Variants in PACS2 observed in about 807,000 individuals in gnomAD.
PACS2 encodes phosphofurin acidic cluster sorting protein 2, also known as PACS1-like protein.
A neutral mutation model predicts 113.0 loss-of-function variants in PACS2; 36 were observed. The ratio of observed to expected loss-of-function variants is 0.32; its 90% CI spans 0.24 to 0.42. PACS2 has a LOEUF of 0.42. PACS2 is among the 10% of genes least tolerant of loss of function. The probability of loss-of-function intolerance (pLI) is 1.00; values close to 1 mark genes in which losing one functional copy is unlikely to be tolerated. For missense variants in PACS2, 1,015 were observed against 1,239.5 expected (o/e 0.82, Z 2.72); for synonymous variants, 589 against 536.1 (o/e 1.10, Z -1.36).
At chr14:105,351,332 C>T (rs1353614996) in intron 2 of PACS2, among the ~76,000 whole-genome samples, 5 of 152,210 alleles carry the variant, frequency 3.3e-5, no homozygotes, top group Non-Finnish European at 7.3e-5. Flanking sequence ...GCAAATGACT[C>T]GTTATCCATT....
chr14:105,314,545 G>C (rs1425120085), upstream of PACS2: 3 of 146,678 alleles, frequency 2.0e-5, no homozygotes, highest in African/African-American at 7.4e-5. Flanking sequence ...GACGCCCCGT[G>C]AGGCGCCGCC....
intron 1 of PACS2, among the ~76,000 whole-genome samples, chr14:105,307,297 G>T (rs1172910392): frequency 6.6e-6 from 1 of 152,004 alleles, no homozygotes; most frequent in Non-Finnish European, 1.5e-5. Context: ...CTAGCCCCCT[G>T]CCCTAAATCA....
intron 4 of PACS2, among the ~76,000 whole-genome samples, chr14:105,360,466 C>T (rs371729288): frequency 2.6e-5 from 4 of 151,598 alleles, no homozygotes; most frequent in African/African-American, 9.7e-5. Context: ...TCACTTTAAC[C>T]CGGGAGGCGG....
chr14:105,367,202 C>T lies in PACS2; in HGVS notation c.424-11C>T, dbSNP rs782194118. 9.9e-6 allele frequency: 16 copies of T among 1,611,992 alleles called. No individual in the cohort carries two copies. The highest frequency in any genetic ancestry group is 6.7e-5 in the Admixed American group (4 of 59,970). ...CGTGCTGCTTTCTAGAACCGTGCCC[C>T]TGGCCTGCAGGTGATGCAACACCCG... On this transcript the variant is annotated splice_polypyrimidine_tract_variant and intron_variant, in intron 4 of 24. Coordinates refer to ENST00000447393, the MANE Select transcript of PACS2 (RefSeq NM_001100913.3).
Position 105,358,847 on chromosome 14 carries a change from C to T in PACS2, c.423+3670C>T, listed in dbSNP as rs1221908573. Among the ~76,000 whole-genome samples, 1 of 152,216 alleles carries T rather than the reference C, an allele frequency of 6.6e-6. No homozygotes were observed. The highest frequency in any genetic ancestry group is 2.4e-5 in the African/African-American group (1 of 41,444). On this transcript the variant is annotated intron_variant, in intron 4 of 24. Coordinates refer to ENST00000447393, the MANE Select transcript of PACS2 (RefSeq NM_001100913.3). The surrounding 1 kb of genome is among the most constrained non-coding windows in gnomAD (Gnocchi z 4.9). The stretch of plus-strand genomic sequence containing the variant: ...GCGGGAGCGTCACCCTGACCGTTTG[C>T]ATGCTGGATTCCCTTTAGTTTCTCT...
At chr14:105,312,164 G>A (rs1036828533), upstream of PACS2, among the ~76,000 whole-genome samples, 4 of 152,214 alleles carry the variant, frequency 2.6e-5, no homozygotes, top group East Asian at 3.8e-4. Flanking sequence ...CCTGGCGCCC[G>A]ACTGGAAAAG....
rs1435122304 is a variant in PACS2, at chr14:105,345,832, G to C, written c.120-2661G>C. Among the ~76,000 whole-genome samples, 3 of 152,216 alleles carry C rather than the reference G, an allele frequency of 2.0e-5. No individual in the cohort carries two copies. The East Asian group carries it at 5.8e-4, about 29-fold the overall frequency. ...CTTCCTCTTGCATTGTGTTGAGTAA[G>C]AGAGAGTCTGTGGGAATCCGGGCAG... On this transcript the variant is annotated intron_variant, in intron 1 of 24. Coordinates refer to ENST00000447393, the MANE Select transcript of PACS2 (RefSeq NM_001100913.3).
chr14:105,351,540 T>C (rs1438424140), intron 2 of PACS2, among the ~76,000 whole-genome samples: 1 of 152,206 alleles, frequency 6.6e-6, no homozygotes, highest in Non-Finnish European at 1.5e-5. Context: ...ATCATTCTTC[T>C]TTTTAGAAAA....
At chr14:105,362,518 C>A (rs2060764455) in intron 4 of PACS2, among the ~76,000 whole-genome samples, 1 of 151,892 alleles carries the variant, frequency 6.6e-6, no homozygotes. Context: ...CTGTCTATGG[C>A]AGCTATAGCC....
chr14:105,375,192 G>T (rs1170334697), intron 8 of PACS2, among the ~76,000 whole-genome samples: 1 of 151,920 alleles, frequency 6.6e-6, no homozygotes, highest in Admixed American at 6.6e-5. Flanking sequence ...TAAAAAATGG[G>T]CAGGGGGCTG....
At chr14:105,391,512 T>TGGCCCCCCCCCCCCCCC in intron 21 of PACS2, 119 bp from the exon 22 acceptor site, 6 of 611,312 alleles carry the variant, frequency 9.8e-6, no homozygotes, top group Non-Finnish European at 1.7e-5. Flanking sequence ...CACTGGGGAC[T>TGGCCCCCCCCCCCCCCC]CCCACCCTGC....
upstream of PACS2, among the ~76,000 whole-genome samples, chr14:105,311,226 T>C (rs2058342605): frequency 6.6e-6 from 1 of 152,038 alleles, no homozygotes; most frequent in South Asian, 2.1e-4. Context: ...AGTGCTAAGA[T>C]TACAGGCATG....
At chr14:105,308,472 A>G (rs919548980) in intron 1 of PACS2, among the ~76,000 whole-genome samples, 1 of 148,270 alleles carries the variant, frequency 6.7e-6, no homozygotes, top group Non-Finnish European at 1.5e-5. Flanking sequence ...CGACAGAGGC[A>G]GATTCTGTCT....
chr14:105,383,177 G>T, intron 15 of PACS2, 182 bp from the exon 16 acceptor site: 1 of 719,752 alleles, frequency 1.4e-6, no homozygotes, highest in Non-Finnish European at 2.4e-6. Flanking sequence ...ATGACTGTGT[G>T]GTCCCTCAGC....
rs1405719832 is a variant in PACS2 at position 105,395,721 on chromosome 14, AG to A, written c.*1052del. ...GTGGGTGCAGCCAGGTACCCCGTGC[AG>A]GGCCTGGGAGGCTCTCCAGGCCACA... On this transcript the variant is annotated 3_prime_UTR_variant, in exon 25 of 25. Transcript: ENST00000447393. 2 of 152,426 alleles carry A rather than the reference AG, an allele frequency of 1.3e-5. No homozygotes were observed. The highest frequency in any genetic ancestry group is 3.9e-4 in the East Asian group (2 of 5,184). The allele number at this position is 152,426 out of a possible 1,614,324, so 9.4% of individuals were successfully genotyped here.
intron 1 of PACS2, among the ~76,000 whole-genome samples, chr14:105,338,857 C>T (rs782610571): frequency 6.6e-6 from 1 of 152,166 alleles, no homozygotes; most frequent in Non-Finnish European, 1.5e-5. Context: ...TGCCATCTCC[C>T]CGCTCTTCTC....
intron 22 of PACS2, chr14:105,392,380 A>G (rs2081390189): frequency 1.3e-5 from 7 of 551,522 alleles, no homozygotes; most frequent in South Asian, 1.1e-4. Context: ...GCAGGTGGAC[A>G]GGCCTCCCAG....
Position 105,323,276 on chromosome 14 carries a change from C to A in PACS2, c.119+8239C>A, listed in dbSNP as rs920469375. ...TCTCACCTCTGGAGCAACAATTGGA[C>A]GTGTTGCTCTTCCTGCCGGATCCTC... On this transcript the variant is annotated intron_variant, in intron 1 of 24. Coordinates refer to ENST00000447393, the MANE Select transcript of PACS2 (RefSeq NM_001100913.3). The surrounding 1 kb of genome is among the most constrained non-coding windows in gnomAD (Gnocchi z 4.1). Among the ~76,000 whole-genome samples the A allele has an allele frequency of 6.6e-6, 1 of 152,198 alleles. No homozygotes were observed. The highest frequency in any genetic ancestry group is 2.4e-5 in the African/African-American group (1 of 41,454).
chr14:105,388,774 C>T (rs1323552097), intron 19 of PACS2: 1 of 152,476 alleles, frequency 6.6e-6, no homozygotes, highest in Non-Finnish European at 1.5e-5. Flanking sequence ...GGAAATGAGA[C>T]AGAAGAAACA....
Sources: gnomAD v4.1 joint callset for allele counts (sites outside exome capture counted in the v4.1 genomes callset) on GRCh38, gnomAD v4.1.1 for gene constraint, Gnocchi (gnomAD v3.1) non-coding constraint, MANE v1.5 for transcripts, NCBI Gene and HGNC (gene_info 2026-07-23, HGNC 2026-07-21) for gene names.